Variants in TMPRSS4 observed in about 807,000 individuals in gnomAD.
The protein encoded by TMPRSS4 is transmembrane serine protease 4.
A neutral mutation model predicts 56.4 loss-of-function variants in TMPRSS4; 45 were observed. That is an observed-to-expected ratio of 0.80 (90% CI 0.63 to 1.02). The LOEUF (loss-of-function observed/expected upper bound fraction) is 1.02. Ranked by LOEUF, TMPRSS4 falls within the 50% of genes least tolerant of loss-of-function variation. The pLI is 0.00. For synonymous variants in TMPRSS4, 205 were observed against 211.0 expected (o/e 0.97, Z 0.25); for missense variants, 546 against 556.7 (o/e 0.98, Z 0.19).
chr11:118,100,600 G>A (rs1201161664), intron 3 of TMPRSS4, among the ~76,000 whole-genome samples: 1 of 152,202 alleles, frequency 6.6e-6, no homozygotes, highest in Admixed American at 6.5e-5. Context: ...GCCCTGGATG[G>A]TGTGAGATGC....
intron 11 of TMPRSS4, among the ~76,000 whole-genome samples, chr11:118,116,839 G>A (rs939856099): frequency 6.6e-6 from 1 of 151,246 alleles, no homozygotes; most frequent in Non-Finnish European, 1.5e-5. Context: ...AGCCTCCTGA[G>A]TAGCTGGGAT....
At chr11:118,122,332 G>C (rs1009205577), downstream of TMPRSS4, among the ~76,000 whole-genome samples, 1 of 152,154 alleles carries the variant, frequency 6.6e-6, no homozygotes, top group Non-Finnish European at 1.5e-5. Context: ...AAAAAGTGGA[G>C]AAAGGTACAG....
chr11:118,096,848 A>G lies in TMPRSS4; in HGVS notation c.43+1993A>G, dbSNP rs1209440383. On this transcript the variant is annotated intron_variant, in intron 2 of 12. Transcript: ENST00000437212. ...GAGAGAAAGAAAGAAGGAAAGAAGG[A>G]AAGAAAGAAAGAAAGAAAGAAAGAA... Among the ~76,000 whole-genome samples the G allele has an allele frequency of 7.4e-3, 104 of 14,070 alleles. 12 individuals carry two copies. Among genetic ancestry groups the G allele is most frequent in the African/African-American group, 0.034 (102 of 3,014 alleles). 9.2% of individuals were successfully genotyped at this position (14,070 alleles called of 152,430 possible).
At chr11:118,115,758 G>A (rs1332809401) in intron 11 of TMPRSS4, among the ~76,000 whole-genome samples, 1 of 152,206 alleles carries the variant, frequency 6.6e-6, no homozygotes, top group Non-Finnish European at 1.5e-5. Context: ...AGGAGGCAGA[G>A]GTTGCAGTAA....
downstream of TMPRSS4, among the ~76,000 whole-genome samples, chr11:118,124,807 T>A (rs1424425613): frequency 6.6e-6 from 1 of 152,212 alleles, no homozygotes; most frequent in Non-Finnish European, 1.5e-5. Context: ...GACTACATAC[T>A]AGTCCAAGAA....
intron 1 of TMPRSS4, among the ~76,000 whole-genome samples, chr11:118,079,655 G>C (rs1944977769): frequency 6.6e-6 from 1 of 152,192 alleles, no homozygotes; most frequent in Non-Finnish European, 1.5e-5. Flanking sequence ...GACGCTTCCG[G>C]CTGCTCTGGA....
At chr11:118,082,280 G>T (rs1052587187) in intron 1 of TMPRSS4, among the ~76,000 whole-genome samples, 2 of 152,146 alleles carry the variant, frequency 1.3e-5, no homozygotes, top group African/African-American at 2.4e-5. Flanking sequence ...TTGAGGCTCA[G>T]CCGGGTGTGG....
At chr11:118,080,650 G>A (rs1408763670) in intron 1 of TMPRSS4, among the ~76,000 whole-genome samples, 1 of 152,172 alleles carries the variant, frequency 6.6e-6, no homozygotes, top group Non-Finnish European at 1.5e-5. Context: ...GAGATCTGAG[G>A]AGCTGAATGT....
intron 11 of TMPRSS4, among the ~76,000 whole-genome samples, chr11:118,116,738 G>T (rs1385893943): frequency 4.6e-5 from 5 of 108,654 alleles, no homozygotes; most frequent in Admixed American, 4.2e-4. Context: ...TTTTGAGACT[G>T]AGTCTCACTC....
chr11:118,106,414 G>T (rs1026459081), intron 5 of TMPRSS4: 1 of 151,868 alleles, frequency 6.6e-6, no homozygotes, highest in African/African-American at 2.4e-5. Context: ...TCTCTAGATC[G>T]GAGGCCCTTC....
downstream of TMPRSS4, chr11:118,125,234 A>G (rs1169564920): frequency 6.6e-6 from 3 of 456,372 alleles, no homozygotes; most frequent in African/African-American, 4.0e-5. Flanking sequence ...TAAATGTTGA[A>G]TAATGGAAGA....
chr11:118,100,011 G>A (rs1196432684), intron 3 of TMPRSS4, among the ~76,000 whole-genome samples: 1 of 152,112 alleles, frequency 6.6e-6, no homozygotes, highest in African/African-American at 2.4e-5. Flanking sequence ...GCAGGTTACT[G>A]ACCACAACTT....
chr11:118,111,892 C>G lies in TMPRSS4; in HGVS notation c.735C>G (p.His245Gln), dbSNP rs761664566. The change falls in exon 8 of 13, where the codon CAC becomes CAG. Residue 245 changes from histidine to glutamine, a missense_variant. Physicochemically the swap from His to Gln is conservative, Grantham distance 24 (BLOSUM62 0). Transcript: ENST00000437212. ...LDPHWVLTAA[H>Q]CFRKHTDVFN... is the part of the protein sequence containing the mutation. ...CCCACTGGGTCCTCACGGCAGCCCA[C>G]TGCTTCAGGTAAGACCCCAGCTGTA... 6.2e-7 allele frequency: 1 copy of G among 1,608,474 alleles called. No homozygotes were observed. Among genetic ancestry groups the G allele is most frequent in the Admixed American group, 1.7e-5 (1 of 59,162 alleles).
intron 1 of TMPRSS4, among the ~76,000 whole-genome samples, chr11:118,078,013 C>CAAAAA (rs148383275): frequency 1.2e-3 from 84 of 71,026 alleles, no homozygotes; most frequent in South Asian, 2.0e-3. Flanking sequence ...AACTCCGTCT[C>CAAAAA]AAAAAAAAAA....
chr11:118,077,855 T>C (rs575004589), intron 1 of TMPRSS4, among the ~76,000 whole-genome samples: 1 of 151,398 alleles, frequency 6.6e-6, no homozygotes, highest in African/African-American at 2.4e-5. Flanking sequence ...GTACTAAAAA[T>C]ACAAAAAATT....
Position 118,118,305 on chromosome 11 carries a change from G to C in TMPRSS4, c.*392G>C. The C allele has an allele frequency of 3.7e-6, 4 of 1,090,242 alleles. No individual in the cohort carries two copies. Among genetic ancestry groups the C allele is most frequent in the Non-Finnish European group, 4.5e-6 (4 of 897,772 alleles). 67.5% of individuals were successfully genotyped at this position (1,090,242 alleles called of 1,614,324 possible). A position where few individuals can be genotyped will look rare whatever the true frequency, so the allele number is the denominator to read the frequency against. ...GAAAGGGTCTGCGCCAGCCCTGTCC[G>C]TCTTCACCCATCCCCAAGCCTACTA... is the stretch of plus-strand genomic sequence containing the variant. On this transcript the variant is annotated 3_prime_UTR_variant, in exon 13 of 13. Coordinates refer to ENST00000437212, the MANE Select transcript of TMPRSS4 (RefSeq NM_019894.4).
intron 5 of TMPRSS4, chr11:118,106,080 C>G (rs1226588360): frequency 6.6e-6 from 1 of 152,324 alleles, no homozygotes; most frequent in East Asian, 1.9e-4. Context: ...AGCCACGGAG[C>G]CCAGCCTCGC....
At chr11:118,105,458 A>C (rs912893121) in intron 5 of TMPRSS4, 1 of 152,068 alleles carries the variant, frequency 6.6e-6, no homozygotes, top group Admixed American at 6.5e-5. Context: ...CTATTTCATA[A>C]ATAGGCTCAA....
chr11:118,110,247 G>A (rs1182632052), intron 7 of TMPRSS4, among the ~76,000 whole-genome samples: 1 of 152,182 alleles, frequency 6.6e-6, no homozygotes, highest in Non-Finnish European at 1.5e-5. Context: ...ATGATTTAGA[G>A]TTCAGTGGTC....
Sources: allele counts gnomAD v4.1 joint callset (sites outside exome capture counted in the v4.1 genomes callset), GRCh38; gene constraint gnomAD v4.1.1; transcripts MANE v1.5; gene names NCBI Gene and HGNC (gene_info 2026-07-23, HGNC 2026-07-21).